ING4: variants seen among roughly 807,000 people sequenced by gnomAD.
The protein encoded by ING4 is inhibitor of growth family member 4.
A neutral mutation model predicts 33.1 loss-of-function variants in ING4; 28 were observed. The ratio of observed to expected loss-of-function variants is 0.85; its 90% CI spans 0.63 to 1.16. The LOEUF is 1.16. Among genes scored for constraint, ING4 ranks in the 50% most tolerant of loss-of-function variants. The pLI is 0.00. For missense variants in ING4, 247 were observed against 314.7 expected (o/e 0.78, Z 1.63); for synonymous variants, 87 against 104.4 (o/e 0.83, Z 1.02).
At chr12:6,652,197 TG>T in intron 6 of ING4, 73 bp downstream of exon 6, 2 of 1,519,826 alleles carry the variant, frequency 1.3e-6, no homozygotes, top group Non-Finnish European at 1.8e-6. Flanking sequence ...TACTCAACTG[TG>T]GGATTTTCCC....
intron 2 of ING4, among the ~76,000 whole-genome samples, chr12:6,654,331 CTTTT>C (rs1238643921): frequency 7.2e-6 from 1 of 138,976 alleles, no homozygotes; most frequent in Non-Finnish European, 1.6e-5. Flanking sequence ...CTCTATTTTT[CTTTT>C]TTTTTTTTTT....
In ING4 at chr12:6,652,649, C is replaced by G. The variant is rs768542011; in HGVS notation, c.497+13G>C. 1 of 1,610,996 alleles carries G rather than the reference C, an allele frequency of 6.2e-7. No homozygotes were observed. Among genetic ancestry groups the G allele is most frequent in the East Asian group, 2.2e-5 (1 of 44,848 alleles). ...AGGATGTCATCCGGCAAAGGGCTCC[C>G]TGAATCACTCACGTGCGCACGAGCT... On this transcript the variant is annotated intron_variant, in intron 5 of 7. Transcript: ENST00000341550.
In ING4 at chr12:6,652,664, G is replaced by A. The variant is rs1949221324; in HGVS notation, c.495C>T (p.Arg165=). 2 of 1,613,454 alleles carry A rather than the reference G, an allele frequency of 1.2e-6. No individual in the cohort carries two copies. Among genetic ancestry groups the A allele is most frequent in the Non-Finnish European group, 1.7e-6 (2 of 1,179,630 alleles). Residue 165 remains arginine, a splice_region_variant and synonymous_variant, in exon 5 of 8, where the codon CGC becomes CGT. Transcript: ENST00000341550. ...KTAQKKLKLV[R]TSPEYGMPSV... is the part of the protein sequence containing the mutation. ...AAAGGGCTCCCTGAATCACTCACGT[G>A]CGCACGAGCTTTAACTTCTTCTGGG...
chr12:6,658,775 A>G (rs930832460), intron 1 of ING4, among the ~76,000 whole-genome samples: 7 of 152,150 alleles, frequency 4.6e-5, no homozygotes, highest in African/African-American at 1.7e-4. Context: ...GTCACTTCCT[A>G]CTGCTCTGAA....
At position 6,653,018 on chromosome 12, in the gene ING4, G is replaced by A. The variant is rs771867837; in HGVS notation, c.309C>T (p.Asp103=). ...VDKHIRRLDT[D]LARFEADLKE... is the part of the protein sequence containing the mutation. ...TGAGATCAGCCTCAAAACGGGCCAG[G>A]TCTGTGTCCAGCCGCCGAATGTGTT... is the stretch of plus-strand genomic sequence containing the variant. Residue 103 remains aspartate (D), a synonymous_variant, in exon 4 of 8, where the codon GAC becomes GAT. Transcript: ENST00000341550. The A allele has an allele frequency of 1.9e-6, 3 of 1,614,102 alleles. No homozygotes were observed. The highest frequency in any genetic ancestry group is 2.2e-5 in the East Asian group (1 of 44,884).
At chr12:6,651,452 A>T in intron 6 of ING4, 67 bp from the exon 7 acceptor site, 1 of 1,350,446 alleles carries the variant, frequency 7.4e-7, no homozygotes, top group South Asian at 1.2e-5. Context: ...AAGCCCCTCC[A>T]GATTCCTTAG....
chr12:6,655,324 G>A (rs559890628), intron 2 of ING4, among the ~76,000 whole-genome samples: 5 of 152,232 alleles, frequency 3.3e-5, no homozygotes, highest in South Asian at 2.1e-4. Context: ...GATTACAGGC[G>A]TAAGCCACCG....
At chr12:6,659,749 C>A (rs1949487459) in intron 1 of ING4, among the ~76,000 whole-genome samples, 1 of 146,080 alleles carries the variant, frequency 6.8e-6, no homozygotes, top group African/African-American at 2.6e-5. Flanking sequence ...GGAGGTGGAG[C>A]TTTCAGTGAG....
At chr12:6,661,074 G>A (rs1282665731) in intron 1 of ING4, among the ~76,000 whole-genome samples, 3 of 149,776 alleles carry the variant, frequency 2.0e-5, no homozygotes, top group Admixed American at 6.7e-5. Flanking sequence ...GATTATAGGC[G>A]TGAGCCACCG....
rs7962047 is a variant in ING4, at chr12:6,650,513, T to C, written c.*682A>G. On this transcript the variant is annotated 3_prime_UTR_variant, in exon 8 of 8. Coordinates refer to ENST00000341550, the MANE Select transcript of ING4 (RefSeq NM_016162.4). The stretch of plus-strand genomic sequence containing the variant: ...ATTCTGGCATGCCATCCTCTCACAT[T>C]GCATCCAACCCAGAGGACGCAAAAT... 0.99 allele frequency: 151,252 copies of C among 152,784 alleles called. 74,887 individuals carry two copies. The highest frequency in any genetic ancestry group is 1 in the Middle Eastern group (296 of 296). The allele number at this position is 152,784 out of a possible 1,614,324, so 9.5% of individuals were successfully genotyped here.
Sources: gnomAD v4.1 joint callset for allele counts (sites outside exome capture counted in the v4.1 genomes callset) on GRCh38, gnomAD v4.1.1 for gene constraint, MANE v1.5 for transcripts, NCBI Gene and HGNC (gene_info 2026-07-23, HGNC 2026-07-21) for gene names.